RERE: variants seen among roughly 807,000 people sequenced by gnomAD.
The protein encoded by RERE is arginine-glutamic acid dipeptide repeats.
A neutral mutation model predicts 146.1 loss-of-function variants in RERE; 40 were observed. The observed-to-expected ratio is 0.27, with a 90% CI of 0.21 to 0.36. RERE has a LOEUF of 0.36. Among genes scored for constraint, RERE ranks in the 10% least tolerant of loss-of-function variants. The pLI is 1.00. For missense variants in RERE, 1,933 were observed against 2,138.7 expected, an observed-to-expected ratio of 0.90 and a Z score of 1.90; for synonymous variants, 1,003 against 866.0, an observed-to-expected ratio of 1.16 and a Z score of -2.78.
intron 4 of RERE, among the ~76,000 whole-genome samples, chr1:8,566,453 C>G (rs943458978): frequency 6.6e-5 from 10 of 151,882 alleles, no homozygotes; most frequent in Admixed American, 2.0e-4. Flanking sequence ...AACCCCGTCT[C>G]TACTAAAAAT....
At chr1:8,580,945 T>C (rs1262120731) in intron 4 of RERE, among the ~76,000 whole-genome samples, 1 of 152,090 alleles carries the variant, frequency 6.6e-6, no homozygotes, top group Non-Finnish European at 1.5e-5. Flanking sequence ...GGGATCCTCC[T>C]CCCATCTCAG....
chr1:8,673,567 G>T (rs1277399892), intron 1 of RERE, among the ~76,000 whole-genome samples: 1 of 152,092 alleles, frequency 6.6e-6, no homozygotes, highest in Non-Finnish European at 1.5e-5. Flanking sequence ...CTATGTCATG[G>T]GTTTTCAACA....
At chr1:8,387,629 A>G (rs1011353800) in intron 12 of RERE, among the ~76,000 whole-genome samples, 5 of 152,230 alleles carry the variant, frequency 3.3e-5, no homozygotes, top group Admixed American at 6.5e-5. Context: ...AAAGTAAGCA[A>G]AAGATTTATA....
chr1:8,558,057 G>A (rs1233515789), intron 4 of RERE, among the ~76,000 whole-genome samples: 1 of 152,182 alleles, frequency 6.6e-6, no homozygotes, highest in Non-Finnish European at 1.5e-5. Context: ...CACAGTTATT[G>A]TTAAGTGCCA....
chr1:8,452,533 T>A (rs1374941333), intron 11 of RERE, among the ~76,000 whole-genome samples: 2 of 152,176 alleles, frequency 1.3e-5, no homozygotes, highest in East Asian at 1.9e-4. Flanking sequence ...CAATAATGTT[T>A]TTTCTAAGTC....
intron 10 of RERE, among the ~76,000 whole-genome samples, chr1:8,490,343 C>CAAAAAAAAAAAAAAAAAAAAAAAAAA (rs530925995): frequency 1.3e-5 from 1 of 75,392 alleles, no homozygotes. Flanking sequence ...GGCAACATCT[C>CAAAAAAAAAAAAAAAAAAAAAAAAAA]AAAAAAAAAA....
At chr1:8,624,954 T>A (rs1418175210) in intron 2 of RERE, among the ~76,000 whole-genome samples, 1 of 152,214 alleles carries the variant, frequency 6.6e-6, no homozygotes, top group Non-Finnish European at 1.5e-5. Context: ...CTAAACACAT[T>A]TTATTTTCTA....
intron 10 of RERE, among the ~76,000 whole-genome samples, chr1:8,466,737 C>T (rs1298480907): frequency 6.6e-6 from 1 of 152,228 alleles, no homozygotes; most frequent in African/African-American, 2.4e-5. Flanking sequence ...GGTTTATCTA[C>T]ATATTCCCTT....
chr1:8,656,066 T>C lies in RERE; in HGVS notation c.232A>G (p.Lys78Glu), dbSNP rs1364551538. The change falls in exon 2 of 23, where the codon AAA (lysine) becomes GAA (glutamate). Residue 78 changes from lysine (K) to glutamate (E), a missense_variant. By Grantham distance (56) the Lys-to-Glu change is moderately conservative. Coordinates refer to ENST00000400908, the MANE Select transcript of RERE (RefSeq NM_001042681.2). ...AEESTKKNKK[K>E]PPKKKSRYER... ...TAACGAGACTTTTTTTTCGGTGGTT[T>C]CTTCTTATTCTTCTTCGTGGACTCC... 6.2e-7 allele frequency: 1 copy of C among 1,614,084 alleles called. No homozygotes were observed. The highest frequency in any genetic ancestry group is 8.5e-7 in the Non-Finnish European group (1 of 1,180,006).
At chr1:8,593,986 G>C (rs1290007318) in intron 4 of RERE, among the ~76,000 whole-genome samples, 1 of 152,138 alleles carries the variant, frequency 6.6e-6, no homozygotes, top group Non-Finnish European at 1.5e-5. Flanking sequence ...CATTTTATAT[G>C]AGAACATAGA....
intron 7 of RERE, among the ~76,000 whole-genome samples, chr1:8,512,122 T>C (rs1475119016): frequency 5.8e-5 from 8 of 138,512 alleles, no homozygotes; most frequent in Non-Finnish European, 1.2e-4. Flanking sequence ...CAAGCTCCGC[T>C]TCCCGGGTTC....
At chr1:8,535,850 G>A (rs1645717626) in intron 7 of RERE, among the ~76,000 whole-genome samples, 1 of 152,190 alleles carries the variant, frequency 6.6e-6, no homozygotes. Context: ...GCCCCTGCCT[G>A]TAATCCCAGC....
chr1:8,589,180 C>T (rs1008872318), intron 4 of RERE, among the ~76,000 whole-genome samples: 6 of 149,070 alleles, frequency 4.0e-5, no homozygotes, highest in Non-Finnish European at 8.8e-5. Flanking sequence ...TGGCTCACAC[C>T]TGTAATCTCA....
intron 7 of RERE, among the ~76,000 whole-genome samples, chr1:8,529,789 G>C (rs1645618921): frequency 6.6e-6 from 1 of 152,112 alleles, no homozygotes; most frequent in African/African-American, 2.4e-5. Flanking sequence ...GAATCTCAAG[G>C]AGTCTTGAAA....
chr1:8,716,310 A>T (rs1639764478), intron 1 of RERE, among the ~76,000 whole-genome samples: 1 of 151,008 alleles, frequency 6.6e-6, no homozygotes, highest in Admixed American at 6.6e-5. Context: ...AAAAAAAAAA[A>T]AAAAAAAATT....
At chr1:8,583,869 C>CA (rs1253306118) in intron 4 of RERE, among the ~76,000 whole-genome samples, 1 of 151,620 alleles carries the variant, frequency 6.6e-6, no homozygotes, top group Non-Finnish European at 1.5e-5. Context: ...TAAAAACAAG[C>CA]AAAAGCAAAG....
chr1:8,756,341 G>C (rs1640638346), intron 1 of RERE, among the ~76,000 whole-genome samples: 1 of 152,046 alleles, frequency 6.6e-6, no homozygotes, highest in Non-Finnish European at 1.5e-5. Context: ...TCAAATTATT[G>C]CATTTTTATT....
intron 4 of RERE, among the ~76,000 whole-genome samples, chr1:8,609,932 A>G (rs964993774): frequency 2.6e-5 from 4 of 151,958 alleles, no homozygotes; most frequent in Admixed American, 2.6e-4. Flanking sequence ...CCACACCCAG[A>G]TAATTTTTCA....
chr1:8,800,973 G>C (rs775425297), intron 1 of RERE, among the ~76,000 whole-genome samples: 7 of 149,990 alleles, frequency 4.7e-5, no homozygotes, highest in Non-Finnish European at 1.0e-4. Flanking sequence ...CAAAAAAATT[G>C]TAAGGCCAGG....
Sources: allele counts gnomAD v4.1 joint callset (sites outside exome capture counted in the v4.1 genomes callset), GRCh38; gene constraint gnomAD v4.1.1; transcripts MANE v1.5; gene names NCBI Gene and HGNC (gene_info 2026-07-23, HGNC 2026-07-21).